Variants in PITPNA observed in about 807,000 individuals in gnomAD.
PITPNA encodes the protein phosphatidylinositol transfer protein alpha isoform.
Under a neutral mutation model 50.3 loss-of-function variants are expected in PITPNA, and 13 were observed. That is an observed-to-expected ratio of 0.26 (90% CI 0.17 to 0.41). The LOEUF (loss-of-function observed/expected upper bound fraction) is 0.41. Ranked by LOEUF, PITPNA falls within the 10% of genes least tolerant of loss-of-function variation. The pLI is 1.00. For missense variants in PITPNA, 207 were observed against 333.4 expected (o/e 0.62, Z 2.95); for synonymous variants, 120 against 119.6 (o/e 1.00, Z -0.02).
Position 1,533,108 on chromosome 17 carries a change from C to G in PITPNA, c.768+991G>C, listed in dbSNP as rs184201554. On this transcript the variant is annotated intron_variant, in intron 10 of 11. Transcript: ENST00000313486. Reference sequence around the variant, plus strand: ...GGGCTGTTGCAAAGCAATGCCTCTACTGGATACCCAAACTCCATGCCAACC... The same window carrying G: ...GGGCTGTTGCAAAGCAATGCCTCTAGTGGATACCCAAACTCCATGCCAACC... Among the ~76,000 whole-genome samples the G allele has an allele frequency of 2.4e-4, 36 of 152,356 alleles. No individual in the cohort carries two copies. In the East Asian group the frequency reaches 3.9e-3, roughly 16 times the overall value.
At chr17:1,524,577 A>G (rs1039185817) in intron 10 of PITPNA, among the ~76,000 whole-genome samples, 5 of 152,102 alleles carry the variant, frequency 3.3e-5, no homozygotes, top group African/African-American at 1.2e-4. Context: ...CAATTTCTAT[A>G]ATAATAAAAT....
intron 2 of PITPNA, among the ~76,000 whole-genome samples, chr17:1,553,360 G>A (rs1222022476): frequency 6.6e-6 from 1 of 152,098 alleles, no homozygotes; most frequent in East Asian, 1.9e-4. Flanking sequence ...GACGTGTTTA[G>A]TTCATCCTTC....
At position 1,553,105 on chromosome 17, in the gene PITPNA, A is replaced by G; in HGVS notation, c.96T>C (p.Asn32=). Residue 32 remains asparagine (N), a synonymous_variant, in exon 3 of 12, where the codon AAT becomes AAC. Coordinates refer to ENST00000313486, the MANE Select transcript of PITPNA (RefSeq NM_006224.4). ...QLYSVAEASK[N]ETGGGEGVEV... The stretch of plus-strand genomic sequence containing the variant: ...CCACGCCTTCGCCACCACCCGTTTC[A>G]TTTTTACTGGCCTCAGCCACAGAAT... The G allele has an allele frequency of 1.9e-6, 3 of 1,613,822 alleles. No homozygotes were observed. Among genetic ancestry groups the G allele is most frequent in the Non-Finnish European group, 2.5e-6 (3 of 1,179,858 alleles).
chr17:1,552,009 TG>T (rs2075712491), intron 3 of PITPNA, among the ~76,000 whole-genome samples: 1 of 152,144 alleles, frequency 6.6e-6, no homozygotes, highest in East Asian at 2.0e-4. Context: ...TCCTCCCCAC[TG>T]CACAGCACTG....
At chr17:1,559,776 C>T (rs1008624245) in intron 1 of PITPNA, 18 of 985,362 alleles carry the variant, frequency 1.8e-5, no homozygotes, top group Non-Finnish European at 2.2e-5. Flanking sequence ...AGACACCAAG[C>T]AGGAAAGTAG....
chr17:1,524,285 C>G (rs1285083002), intron 10 of PITPNA, among the ~76,000 whole-genome samples: 1 of 150,898 alleles, frequency 6.6e-6, no homozygotes, highest in Admixed American at 6.6e-5. Context: ...ACCTCATGAT[C>G]CGCCCGCCTT....
intron 4 of PITPNA, among the ~76,000 whole-genome samples, chr17:1,543,244 G>A (rs2075656833): frequency 6.6e-6 from 1 of 152,076 alleles, no homozygotes; most frequent in Non-Finnish European, 1.5e-5. Context: ...AAACCAAACA[G>A]GGAATTTAAT....
chr17:1,529,091 T>C (rs1445727942), intron 10 of PITPNA, among the ~76,000 whole-genome samples: 10 of 144,220 alleles, frequency 6.9e-5, no homozygotes, highest in Admixed American at 1.4e-4. Flanking sequence ...TGAGCCGAGA[T>C]TGCGCCACTG....
At chr17:1,523,130 C>T (rs559806740) in intron 10 of PITPNA, among the ~76,000 whole-genome samples, 1 of 149,962 alleles carries the variant, frequency 6.7e-6, no homozygotes, top group South Asian at 2.1e-4. Flanking sequence ...CCAAGTGGTC[C>T]CTGTCACTGG....
chr17:1,551,100 C>T (rs1054605221), intron 3 of PITPNA, among the ~76,000 whole-genome samples: 5 of 151,578 alleles, frequency 3.3e-5, no homozygotes, highest in Non-Finnish European at 7.4e-5. Flanking sequence ...ACACGAAGGG[C>T]GAGTGAGAGT....
chr17:1,552,360 C>T (rs529638262), intron 3 of PITPNA, among the ~76,000 whole-genome samples: 13 of 152,188 alleles, frequency 8.5e-5, no homozygotes, highest in Non-Finnish European at 1.3e-4. Context: ...ATACCATCAA[C>T]GCCCTTTGGG....
At chr17:1,526,856 C>T (rs1028177690) in intron 10 of PITPNA, among the ~76,000 whole-genome samples, 1 of 152,166 alleles carries the variant, frequency 6.6e-6, no homozygotes, top group Admixed American at 6.6e-5. Context: ...CCTCTGCCTC[C>T]CGGGTTCAAG....
chr17:1,562,473 C>CT lies in PITPNA; in HGVS notation c.20+67_20+68insA. 7.7e-7 allele frequency: 1 copy of CT among 1,306,660 alleles called. No individual in the cohort carries two copies. Among genetic ancestry groups the CT allele is most frequent in the Non-Finnish European group, 1.0e-6 (1 of 988,960 alleles). The allele number at this position is 1,306,660 out of a possible 1,614,324, so 80.9% of individuals were successfully genotyped here. A position where few individuals can be genotyped will look rare whatever the true frequency, so the allele number is the denominator to read the frequency against. ...CATCCGGGCCCTGCGTCCCTCGCCG[C>CT]GCCGTCGCCCCGGCGGCCGTCCCCA... On this transcript the variant is annotated intron_variant, in intron 1 of 11. Transcript: ENST00000313486. This position sits in a 1 kb window ranked among gnomAD's most constrained non-coding sequence, Gnocchi z 6.4.
intron 4 of PITPNA, among the ~76,000 whole-genome samples, chr17:1,547,950 C>T (rs1281074664): frequency 6.6e-6 from 1 of 152,056 alleles, no homozygotes; most frequent in Admixed American, 6.6e-5. Flanking sequence ...GCCGAGATCA[C>T]GCCACTGTGC....
chr17:1,554,676 AG>A (rs1316932061), intron 2 of PITPNA, among the ~76,000 whole-genome samples: 1 of 152,118 alleles, frequency 6.6e-6, no homozygotes, highest in Non-Finnish European at 1.5e-5. Flanking sequence ...CTGCTCTACC[AG>A]GCAGCTTCCT....
intron 4 of PITPNA, among the ~76,000 whole-genome samples, chr17:1,544,666 G>A (rs1214152069): frequency 3.3e-5 from 5 of 152,234 alleles, no homozygotes; most frequent in Non-Finnish European, 5.9e-5. Context: ...GGCCGGGCAC[G>A]GTGGCTCCCG....
At chr17:1,535,757 C>T in intron 7 of PITPNA, 1 of 536,740 alleles carries the variant, frequency 1.9e-6, no homozygotes, top group Non-Finnish European at 3.4e-6. Context: ...AAAGTATCAC[C>T]AGACTGTCTG....
chr17:1,544,318 C>G (rs1431063782), intron 4 of PITPNA, among the ~76,000 whole-genome samples: 1 of 152,230 alleles, frequency 6.6e-6, no homozygotes, highest in Non-Finnish European at 1.5e-5. Context: ...GGTAGCAATT[C>G]TGCGTTTTAG....
At chr17:1,545,082 A>C (rs1356530524) in intron 4 of PITPNA, among the ~76,000 whole-genome samples, 1 of 151,176 alleles carries the variant, frequency 6.6e-6, no homozygotes, top group Non-Finnish European at 1.5e-5. Context: ...GAAGAGATGG[A>C]AGGAGAAACA....
Sources: gnomAD v4.1 joint callset for allele counts (sites outside exome capture counted in the v4.1 genomes callset) on GRCh38, gnomAD v4.1.1 for gene constraint, Gnocchi (gnomAD v3.1) non-coding constraint, MANE v1.5 for transcripts, NCBI Gene and HGNC (gene_info 2026-07-23, HGNC 2026-07-21) for gene names.